MAP4K3: variants seen among roughly 807,000 people sequenced by gnomAD.
MAP4K3 encodes MAPK/ERK kinase kinase kinase 3.
Under a neutral mutation model 143.5 loss-of-function variants are expected in MAP4K3, and 94 were observed. The ratio of observed to expected loss-of-function variants is 0.65; its 90% confidence interval spans 0.55 to 0.78. The LOEUF is 0.78. Ranked by LOEUF, MAP4K3 falls within the 30% of genes least tolerant of loss-of-function variation. The pLI is 0.00. For synonymous variants in MAP4K3, 416 were observed against 347.2 expected (o/e 1.20, Z -2.20); for missense variants, 1,077 against 1,068.1 (o/e 1.01, Z -0.12).
At chr2:39,381,907 C>G (rs755508342) in intron 1 of MAP4K3, among the ~76,000 whole-genome samples, 1 of 152,134 alleles carries the variant, frequency 6.6e-6, no homozygotes, top group Non-Finnish European at 1.5e-5. Context: ...TTTTCCTGGC[C>G]CTGGTCTCAC....
intron 31 of MAP4K3, among the ~76,000 whole-genome samples, chr2:39,255,461 C>T (rs892831452): frequency 6.6e-6 from 1 of 151,902 alleles, no homozygotes; most frequent in Non-Finnish European, 1.5e-5. Flanking sequence ...GTTGAATGGC[C>T]CATTTCTTCC....
chr2:39,266,342 A>C (rs540183287), intron 27 of MAP4K3, among the ~76,000 whole-genome samples: 2 of 152,186 alleles, frequency 1.3e-5, no homozygotes, highest in Non-Finnish European at 2.9e-5. Context: ...TTGCACTGCT[A>C]CTGCTCTAGC....
At chr2:39,310,728 C>T (rs775545490) in intron 13 of MAP4K3, among the ~76,000 whole-genome samples, 2 of 152,176 alleles carry the variant, frequency 1.3e-5, no homozygotes, top group African/African-American at 4.8e-5. Flanking sequence ...TCCCTTTTCT[C>T]TGCATTTTCA....
At chr2:39,422,156 A>G (rs1350716004) in intron 1 of MAP4K3, among the ~76,000 whole-genome samples, 1 of 151,972 alleles carries the variant, frequency 6.6e-6, no homozygotes, top group Non-Finnish European at 1.5e-5. Context: ...TAGAAATGCT[A>G]TGGTACTAGA....
chr2:39,424,376 T>C (rs553630317), intron 1 of MAP4K3, among the ~76,000 whole-genome samples: 1 of 152,220 alleles, frequency 6.6e-6, no homozygotes, highest in African/African-American at 2.4e-5. Context: ...GGAAGTCTAG[T>C]GGATCTCTGC....
chr2:39,402,224 C>T (rs188635061), intron 1 of MAP4K3, among the ~76,000 whole-genome samples: 4 of 152,166 alleles, frequency 2.6e-5, no homozygotes, highest in South Asian at 2.1e-4. Context: ...TTGAAGAAAA[C>T]GGTAATAGAA....
At chr2:39,312,130 C>T (rs1338705038) in intron 13 of MAP4K3, among the ~76,000 whole-genome samples, 2 of 152,130 alleles carry the variant, frequency 1.3e-5, no homozygotes, top group Non-Finnish European at 2.9e-5. Context: ...GGGTTTGCTA[C>T]ACAACCAAAA....
At chr2:39,423,470 T>A (rs1428640406) in intron 1 of MAP4K3, among the ~76,000 whole-genome samples, 1 of 152,234 alleles carries the variant, frequency 6.6e-6, no homozygotes, top group Non-Finnish European at 1.5e-5. Flanking sequence ...TACACATGGA[T>A]ATTTATAGCT....
chr2:39,338,051 C>T (rs1461611758), intron 4 of MAP4K3, among the ~76,000 whole-genome samples: 1 of 152,130 alleles, frequency 6.6e-6, no homozygotes, highest in Non-Finnish European at 1.5e-5. Flanking sequence ...GTGTGAGCCA[C>T]TGTGCCCAGC....
At chr2:39,280,086 G>A (rs1031578694) in intron 23 of MAP4K3, among the ~76,000 whole-genome samples, 186 bp downstream of exon 23, 2 of 152,078 alleles carry the variant, frequency 1.3e-5, no homozygotes, top group African/African-American at 4.8e-5. Context: ...AAATTTTAAT[G>A]TTATGTGTCA....
chr2:39,407,828 G>A (rs530772185), intron 1 of MAP4K3, among the ~76,000 whole-genome samples: 2 of 152,096 alleles, frequency 1.3e-5, no homozygotes, highest in South Asian at 2.1e-4. Context: ...CTCCCATCTC[G>A]GCCTCCCAAA....
chr2:39,404,252 G>T (rs1295861890), intron 1 of MAP4K3, among the ~76,000 whole-genome samples: 12 of 151,510 alleles, frequency 7.9e-5, no homozygotes. Context: ...CAGCCACAGT[G>T]GGGTAGAGCA....
chr2:39,409,320 A>G (rs1347089260), intron 1 of MAP4K3, among the ~76,000 whole-genome samples: 1 of 152,240 alleles, frequency 6.6e-6, no homozygotes, highest in Non-Finnish European at 1.5e-5. Flanking sequence ...ATTAGTGGTT[A>G]AGCTTTGGGG....
At chr2:39,304,243 TTG>T (rs1682613192) in intron 15 of MAP4K3, among the ~76,000 whole-genome samples, 1 of 152,020 alleles carries the variant, frequency 6.6e-6, no homozygotes, top group South Asian at 2.1e-4. Flanking sequence ...ATAAAAACAG[TTG>T]GCATTTAAAA....
At chr2:39,313,071 T>C (rs997869206) in intron 13 of MAP4K3, among the ~76,000 whole-genome samples, 12 of 152,324 alleles carry the variant, frequency 7.9e-5, no homozygotes, top group African/African-American at 2.9e-4. Context: ...GATTCAAACC[T>C]TACACTGGTA....
intron 3 of MAP4K3, among the ~76,000 whole-genome samples, chr2:39,348,294 A>G (rs1433205350): frequency 3.9e-5 from 6 of 152,104 alleles, no homozygotes; most frequent in African/African-American, 1.4e-4. Flanking sequence ...GCTTAAATAT[A>G]CAATTTTCTA....
Position 39,319,796 on chromosome 2 carries a change from T to C in MAP4K3, c.919-4408A>G, listed in dbSNP as rs183923191. Among the ~76,000 whole-genome samples, 669 of 152,304 alleles carry C rather than the reference T, an allele frequency of 4.4e-3. 2 individuals carry two copies. Among genetic ancestry groups the C allele is most frequent in the Non-Finnish European group, 7.9e-3 (538 of 68,020 alleles). On this transcript the variant is annotated intron_variant, in intron 12 of 33. Coordinates refer to ENST00000263881, the MANE Select transcript of MAP4K3 (RefSeq NM_003618.4). Reference sequence around the variant, plus strand: ...ATACCTGATGTGCTCTTAATCCATATGTAACCCTCTCTTGATTGCATTCAT... The same window carrying C: ...ATACCTGATGTGCTCTTAATCCATACGTAACCCTCTCTTGATTGCATTCAT...
In MAP4K3 at chr2:39,416,945, T is replaced by C. The variant is rs531493140; in HGVS notation, c.96+19947A>G. Among the ~76,000 whole-genome samples the C allele has an allele frequency of 4.6e-5, 7 of 152,220 alleles. No individual in the cohort carries two copies. The East Asian group carries it at 9.6e-4, about 21-fold the overall frequency. On this transcript the variant is annotated intron_variant, in intron 1 of 33. Coordinates refer to ENST00000263881, the MANE Select transcript of MAP4K3 (RefSeq NM_003618.4). ...GGCCCCTCTATTTTCATTTGTAAAA[T>C]AGAGATAATTAAAGTTCCTACAACA...
chr2:39,278,344 G>C (rs1405984363), intron 24 of MAP4K3, 63 bp downstream of exon 24: 4 of 905,320 alleles, frequency 4.4e-6, no homozygotes, highest in African/African-American at 3.5e-5. Context: ...CTTATTTCTG[G>C]TCTAATGTGT....
Sources: allele counts gnomAD v4.1 joint callset (sites outside exome capture counted in the v4.1 genomes callset), GRCh38; gene constraint gnomAD v4.1.1; transcripts MANE v1.5; gene names NCBI Gene and HGNC (gene_info 2026-07-23, HGNC 2026-07-21).